XKR4: variants seen among roughly 807,000 people sequenced by gnomAD.
XKR4 encodes XK-related protein 4.
Under a neutral mutation model 53.9 loss-of-function variants are expected in XKR4, and 12 were observed. That is an observed-to-expected ratio of 0.22 (90% CI 0.14 to 0.36). The LOEUF is 0.36. Among genes scored for constraint, XKR4 ranks in the 10% least tolerant of loss-of-function variants. The pLI is 1.00. For missense variants in XKR4, 799 were observed against 859.5 expected (o/e 0.93, Z 0.88); for synonymous variants, 354 against 362.4 (o/e 0.98, Z 0.26).
chr8:55,364,422 G>T (rs1451252677), intron 2 of XKR4, among the ~76,000 whole-genome samples: 1 of 152,188 alleles, frequency 6.6e-6, no homozygotes, highest in Non-Finnish European at 1.5e-5. Flanking sequence ...GCCACGCCCT[G>T]CTCCTTCTGT....
At chr8:55,163,464 ATATTCCCAGTT>A (rs1262313822) in intron 1 of XKR4, among the ~76,000 whole-genome samples, 7 of 152,232 alleles carry the variant, frequency 4.6e-5, no homozygotes, top group African/African-American at 1.4e-4. Flanking sequence ...AGACTTCTAA[ATATTCCCAGTT>A]TATTCCTGTG....
At chr8:55,346,641 T>C (rs1326272238) in intron 1 of XKR4, among the ~76,000 whole-genome samples, 1 of 151,806 alleles carries the variant, frequency 6.6e-6, no homozygotes, top group African/African-American at 2.4e-5. Context: ...TGACAAGTCA[T>C]ACAATTTTCT....
intron 2 of XKR4, among the ~76,000 whole-genome samples, chr8:55,468,248 G>T (rs943947657): frequency 1.3e-5 from 2 of 152,062 alleles, no homozygotes; most frequent in Non-Finnish European, 2.9e-5. Flanking sequence ...TGACTTGGTC[G>T]TGGGAAATAT....
intron 2 of XKR4, among the ~76,000 whole-genome samples, chr8:55,467,418 G>A (rs1227164059): frequency 6.6e-6 from 1 of 152,124 alleles, no homozygotes; most frequent in Non-Finnish European, 1.5e-5. Context: ...AAGCACAGGA[G>A]TGCTATCCCT....
Position 55,498,448 on chromosome 8 carries a change from G to A in XKR4, c.1007-24833G>A, listed in dbSNP as rs1048011533. On this transcript the variant is annotated intron_variant, in intron 2 of 2. Transcript: ENST00000327381. ...GGCACCGAGCGCATCCTAGCAGGAA[G>A]GTTACAGTCTCCAGGGGTCACCTGG... Among the ~76,000 whole-genome samples the A allele has an allele frequency of 1.8e-4, 27 of 152,298 alleles. 2 individuals carry two copies. The highest frequency in any genetic ancestry group is 6.8e-3 in the Middle Eastern group (2 of 294).
rs1186092460 is a variant in XKR4 at position 55,102,737 on chromosome 8, C to A, written c.249C>A (p.Val83=). The A allele has an allele frequency of 1.7e-6, 2 of 1,192,744 alleles. No individual in the cohort carries two copies. The highest frequency in any genetic ancestry group is 2.1e-6 in the Non-Finnish European group (2 of 963,156). The allele number at this position is 1,192,744 out of a possible 1,614,324, so 73.9% of individuals were successfully genotyped here. A position where few individuals can be genotyped will look rare whatever the true frequency, so the allele number is the denominator to read the frequency against. ...CGGGCTCGGGCGGCTCCGGCGGCGT[C>A]GCCGGCCCGGGCGGCGGCGGGGCGG... ...GSAGSGGSGG[V]AGPGGGGAGS... is the part of the protein sequence containing the mutation. Residue 83 remains valine, a synonymous_variant, in exon 1 of 3, where the codon GTC becomes GTA. Coordinates refer to ENST00000327381, the MANE Select transcript of XKR4 (RefSeq NM_052898.2). This position sits in a 1 kb window ranked among gnomAD's most constrained non-coding sequence, Gnocchi z 5.1.
chr8:55,237,236 TA>T (rs1208563709), intron 1 of XKR4, among the ~76,000 whole-genome samples: 3 of 152,180 alleles, frequency 2.0e-5, no homozygotes, highest in African/African-American at 7.2e-5. Flanking sequence ...ACATGAGGGT[TA>T]GGGGCATCAA....
intron 2 of XKR4, among the ~76,000 whole-genome samples, chr8:55,496,029 G>A (rs1374513168): frequency 2.0e-5 from 3 of 152,244 alleles, no homozygotes; most frequent in African/African-American, 7.2e-5. Flanking sequence ...TGTTTGCTTA[G>A]AAATTAATTC....
At chr8:55,301,787 A>G (rs1280865058) in intron 1 of XKR4, among the ~76,000 whole-genome samples, 1 of 152,186 alleles carries the variant, frequency 6.6e-6, no homozygotes, top group Non-Finnish European at 1.5e-5. Flanking sequence ...GGCTGCATAA[A>G]TGTCTTCTTT....
chr8:55,236,885 C>T (rs1453917835), intron 1 of XKR4, among the ~76,000 whole-genome samples: 1 of 152,234 alleles, frequency 6.6e-6, no homozygotes, highest in Non-Finnish European at 1.5e-5. Flanking sequence ...GACTCTCTCT[C>T]CCTCTTTCTG....
intron 1 of XKR4, among the ~76,000 whole-genome samples, chr8:55,291,743 G>A (rs887745726): frequency 6.6e-6 from 1 of 152,112 alleles, no homozygotes; most frequent in Non-Finnish European, 1.5e-5. Context: ...AGTTCTAGGA[G>A]GGTTGTTGTT....
In XKR4 at chr8:55,189,375, G is replaced by C. The variant is rs992522080; in HGVS notation, c.806+86081G>C. 2.0e-5 allele frequency among the ~76,000 whole-genome samples: 3 copies of C among 152,092 alleles called. No homozygotes were observed. In the South Asian group the frequency reaches 6.2e-4, roughly 32 times the overall value. ...TGAGTACGATCATGCCTCAATGAAC[G>C]GCGGGGATACATTCTGAGAAATGCA... On this transcript the variant is annotated intron_variant, in intron 1 of 2. Coordinates refer to ENST00000327381, the MANE Select transcript of XKR4 (RefSeq NM_052898.2).
chr8:55,138,106 C>A (rs899691774), intron 1 of XKR4, among the ~76,000 whole-genome samples: 1 of 152,094 alleles, frequency 6.6e-6, no homozygotes, highest in African/African-American at 2.4e-5. Context: ...ACAATGTATA[C>A]CAAGGAGGGA....
chr8:55,366,971 C>A (rs114463666), intron 2 of XKR4, among the ~76,000 whole-genome samples: 1,551 of 152,292 alleles, frequency 0.01, 19 homozygotes, highest in African/African-American at 0.035. Context: ...ATCTTATCCT[C>A]TGTCTCCTCT....
chr8:55,134,600 G>A (rs1325091070), intron 1 of XKR4, among the ~76,000 whole-genome samples: 2 of 152,190 alleles, frequency 1.3e-5, no homozygotes, highest in South Asian at 2.1e-4. Context: ...AGAGACATGG[G>A]GTGGTCAGAA....
chr8:55,412,860 G>C (rs1804795408), intron 2 of XKR4, among the ~76,000 whole-genome samples: 1 of 152,196 alleles, frequency 6.6e-6, no homozygotes, highest in African/African-American at 2.4e-5. Context: ...AATGGAGGGA[G>C]GAGAATCATT....
chr8:55,301,619 A>T (rs1353488652), intron 1 of XKR4, among the ~76,000 whole-genome samples: 1 of 152,196 alleles, frequency 6.6e-6, no homozygotes, highest in Non-Finnish European at 1.5e-5. Context: ...GCAGCAGTGT[A>T]AAAGTGTTCC....
intron 1 of XKR4, among the ~76,000 whole-genome samples, chr8:55,252,352 A>G (rs185476216): frequency 6.6e-6 from 1 of 152,216 alleles, no homozygotes; most frequent in Non-Finnish European, 1.5e-5. Context: ...ATTGCCTTTT[A>G]TCTCCTAAAA....
rs550410109 is a variant in XKR4, at chr8:55,342,406, C to T, written c.807-15272C>T. 1.7e-4 allele frequency among the ~76,000 whole-genome samples: 26 copies of T among 152,292 alleles called. No homozygotes were observed. In the South Asian group the frequency reaches 5.4e-3, roughly 32 times the overall value. ...CCCCTTCATGCCATTCTCAGCACAG[C>T]TGCTGGAAGTCCTCATGAGATGTTG... On this transcript the variant is annotated intron_variant, in intron 1 of 2. Coordinates refer to ENST00000327381, the MANE Select transcript of XKR4 (RefSeq NM_052898.2).
Sources: gnomAD v4.1 joint callset for allele counts (sites outside exome capture counted in the v4.1 genomes callset) on GRCh38, gnomAD v4.1.1 for gene constraint, Gnocchi (gnomAD v3.1) non-coding constraint, MANE v1.5 for transcripts, NCBI Gene and HGNC (gene_info 2026-07-23, HGNC 2026-07-21) for gene names.